Variants in PCDHGC5 observed in about 807,000 individuals in gnomAD.
PCDHGC5 encodes protocadherin gamma subfamily C, 5.
In PCDHGC5, 25 loss-of-function variants were observed where a neutral mutation model predicts 59.0. The ratio of observed to expected loss-of-function variants is 0.42; its 90% CI spans 0.31 to 0.59. The LOEUF is 0.59. Ranked by LOEUF, PCDHGC5 falls within the 20% of genes least tolerant of loss-of-function variation. The probability of loss-of-function intolerance (pLI) is 0.13; values close to 1 mark genes in which losing one functional copy is unlikely to be tolerated. For synonymous variants in PCDHGC5, 434 were observed against 505.5 expected (o/e 0.86, Z 1.90); for missense variants, 1,067 against 1,206.4 (o/e 0.88, Z 1.71).
chr5:141,502,098 G>T (rs1341016516), intron 2 of PCDHGC5, among the ~76,000 whole-genome samples: 2 of 152,108 alleles, frequency 1.3e-5, no homozygotes, highest in Non-Finnish European at 2.9e-5. Flanking sequence ...ACCTGGCCTT[G>T]ACCCTGCACC....
At chr5:141,510,754 C>G (rs1407911674) in intron 3 of PCDHGC5, among the ~76,000 whole-genome samples, 193 bp from the exon 4 acceptor site, 3 of 152,168 alleles carry the variant, frequency 2.0e-5, no homozygotes, top group African/African-American at 7.2e-5. Flanking sequence ...GACTTTCTCA[C>G]TCCAGAGCCT....
chr5:141,499,174 C>T (rs930279867), intron 2 of PCDHGC5, among the ~76,000 whole-genome samples: 20 of 152,198 alleles, frequency 1.3e-4, no homozygotes, highest in Middle Eastern at 3.4e-3. Flanking sequence ...AGCTCTGAGC[C>T]CAGCAAACCA....
In PCDHGC5 at chr5:141,489,844, C is replaced by A; in HGVS notation, c.604C>A (p.Arg202Ser). 2 of 1,614,148 alleles carry A rather than the reference C, an allele frequency of 1.2e-6. No individual in the cohort carries two copies. Among genetic ancestry groups the A allele is most frequent in the Non-Finnish European group, 1.7e-6 (2 of 1,179,982 alleles). Residue 202 changes from arginine to serine, a missense_variant, in exon 1 of 4, where the codon CGT becomes AGT. Physicochemically the swap from Arg to Ser is moderately radical, Grantham distance 110. Coordinates refer to ENST00000252087, the MANE Select transcript of PCDHGC5 (RefSeq NM_018929.3). The surrounding 1 kb of genome is among the most constrained non-coding windows in gnomAD (Gnocchi z 4.5). Reference sequence around the variant, plus strand: ...GCTGGTGCTAGAGCAGCAGCTGGATCGTGAAGCCCAGGCAAGACATCAGCT... The same window carrying A: ...GCTGGTGCTAGAGCAGCAGCTGGATAGTGAAGCCCAGGCAAGACATCAGCT... Reference protein sequence around the residue: ...PELVLEQQLDREAQARHQLVL... With the variant: ...PELVLEQQLDSEAQARHQLVL...
At position 141,490,776 on chromosome 5, in the gene PCDHGC5, G is replaced by A. The variant is rs1234115299; in HGVS notation, c.1536G>A (p.Glu512=). 4.3e-6 allele frequency: 7 copies of A among 1,614,162 alleles called. No individual in the cohort carries two copies. Among genetic ancestry groups the A allele is most frequent in the African/African-American group, 1.3e-5 (1 of 75,066 alleles). The change falls in exon 1 of 4, where the codon GAG becomes GAA. Residue 512 remains glutamate (E), a synonymous_variant. Transcript: ENST00000252087. This position sits in a 1 kb window ranked among gnomAD's most constrained non-coding sequence, Gnocchi z 5.4. ...PASSFVYVNP[E]DGRIFAQRTF... ...CCTCCTTTGTGTATGTCAACCCAGA[G>A]GATGGACGGATCTTTGCCCAGCGTA...
intron 2 of PCDHGC5, among the ~76,000 whole-genome samples, chr5:141,502,654 C>T (rs1424933188): frequency 6.6e-6 from 1 of 152,230 alleles, no homozygotes; most frequent in South Asian, 2.1e-4. Context: ...TAGGCAGCAA[C>T]CCTTCATGCA....
chr5:141,490,396 A>G lies in PCDHGC5; in HGVS notation c.1156A>G (p.Ser386Gly). ...DRDSGRNGEV[S>G]LDISPDLPFQ... ...GGACTCAGGTAGAAATGGTGAAGTGAGCCTTGATATCTCTCCGGACCTGCC... is the reference window on the plus strand; with the variant it reads ...GGACTCAGGTAGAAATGGTGAAGTGGGCCTTGATATCTCTCCGGACCTGCC... Residue 386 changes from serine to glycine, a missense_variant, in exon 1 of 4, where the codon AGC (serine) becomes GGC (glycine). Coordinates refer to ENST00000252087, the MANE Select transcript of PCDHGC5 (RefSeq NM_018929.3). The surrounding 1 kb of genome is among the most constrained non-coding windows in gnomAD (Gnocchi z 5.4). 1 of 1,614,146 alleles carries G rather than the reference A, an allele frequency of 6.2e-7. No homozygotes were observed. The highest frequency in any genetic ancestry group is 8.5e-7 in the Non-Finnish European group (1 of 1,180,030).
Position 141,491,445 on chromosome 5 carries a change from C to G in PCDHGC5, c.2205C>G (p.Asp735Glu). ...GAGGGCAGTGCTGCAGGCGCCAGGACTCACCCTCCCCGGACTTCTATAAGC... is the reference window on the plus strand; with the variant it reads ...GAGGGCAGTGCTGCAGGCGCCAGGAGTCACCCTCCCCGGACTTCTATAAGC... ...GGGGQCCRRQ[D>E]SPSPDFYKQS... The change falls in exon 1 of 4, where the codon GAC (aspartate) becomes GAG (glutamate). Residue 735 changes from aspartate to glutamate, a missense_variant. Asp to Glu is a conservative substitution (Grantham distance 45). Coordinates refer to ENST00000252087, the MANE Select transcript of PCDHGC5 (RefSeq NM_018929.3). This position sits in a 1 kb window ranked among gnomAD's most constrained non-coding sequence, Gnocchi z 6.9. 6.2e-7 allele frequency: 1 copy of G among 1,614,112 alleles called. No individual in the cohort carries two copies. Among genetic ancestry groups the G allele is most frequent in the Non-Finnish European group, 8.5e-7 (1 of 1,180,032 alleles).
chr5:141,509,719 C>G (rs2099877973), intron 3 of PCDHGC5, among the ~76,000 whole-genome samples: 1 of 152,152 alleles, frequency 6.6e-6, no homozygotes, highest in Non-Finnish European at 1.5e-5. Flanking sequence ...TGTCTGATGT[C>G]ACCTAGCTGT....
chr5:141,497,858 C>T (rs920483410), intron 2 of PCDHGC5, among the ~76,000 whole-genome samples: 3 of 152,218 alleles, frequency 2.0e-5, no homozygotes, highest in Non-Finnish European at 2.9e-5. Flanking sequence ...TTTGATTCAG[C>T]GGCTCCAAAG....
At position 141,493,906 on chromosome 5, in the gene PCDHGC5, G is replaced by A. The variant is rs2099750764; in HGVS notation, c.2461-901G>A. ...CTCTAGGAGTGCTCCATGAGAGTGT[G>A]TGATGGGATAACACACCCCCTGGAA... is the stretch of plus-strand genomic sequence containing the variant. On this transcript the variant is annotated intron_variant, in intron 1 of 3. Transcript: ENST00000252087. The surrounding 1 kb of genome is among the most constrained non-coding windows in gnomAD (Gnocchi z 4.3). Among the ~76,000 whole-genome samples the A allele has an allele frequency of 6.6e-6, 1 of 152,200 alleles. No individual in the cohort carries two copies. Among genetic ancestry groups the A allele is most frequent in the Non-Finnish European group, 1.5e-5 (1 of 68,032 alleles).
chr5:141,510,910 A>C (rs780792326), intron 3 of PCDHGC5, 37 bp from the exon 4 acceptor site: 4 of 1,613,740 alleles, frequency 2.5e-6, no homozygotes, highest in Admixed American at 3.3e-5. Flanking sequence ...GAGGACCCTA[A>C]GTTTAGCTCC....
chr5:141,489,477 G>C lies in PCDHGC5; in HGVS notation c.237G>C (p.Leu79Phe), dbSNP rs2154581232. 1.9e-6 allele frequency: 3 copies of C among 1,614,108 alleles called. No homozygotes were observed. Among genetic ancestry groups the C allele is most frequent in the Non-Finnish European group, 2.5e-6 (3 of 1,180,034 alleles). ...ATGGGCGCTATTTTTCCCTGAGCTT[G>C]ATGAGTGGTGCCCTGGCAGTGAATC... is the stretch of plus-strand genomic sequence containing the variant. ...EENGRYFSLS[L>F]MSGALAVNQK... The change falls in exon 1 of 4, where the codon TTG (leucine) becomes TTC (phenylalanine). Residue 79 changes from leucine to phenylalanine, a missense_variant. By Grantham distance (22) the Leu-to-Phe change is conservative. Coordinates refer to ENST00000252087, the MANE Select transcript of PCDHGC5 (RefSeq NM_018929.3). This position sits in a 1 kb window ranked among gnomAD's most constrained non-coding sequence, Gnocchi z 4.5.
In PCDHGC5 at chr5:141,511,217, C is replaced by A. The variant is rs766814445; in HGVS notation, c.*44C>A. On this transcript the variant is annotated 3_prime_UTR_variant, in exon 4 of 4. Transcript: ENST00000252087. ...AGCCACAGGGCGGCCTCTCCCCAAC[C>A]AGCCCAGCTTCTCCTTACCTGCACC... The A allele has an allele frequency of 2.5e-6, 4 of 1,607,588 alleles. No homozygotes were observed. Among genetic ancestry groups the A allele is most frequent in the Non-Finnish European group, 3.4e-6 (4 of 1,177,026 alleles).
Position 141,491,410 on chromosome 5 carries a change from GA to G in PCDHGC5, c.2171del (p.Asp724AlafsTer28). 1 of 1,614,142 alleles carries G rather than the reference GA, an allele frequency of 6.2e-7. No homozygotes were observed. The highest frequency in any genetic ancestry group is 8.5e-7 in the Non-Finnish European group (1 of 1,180,034). On this transcript the variant is annotated frameshift_variant, in exon 1 of 4. Coordinates refer to ENST00000252087, the MANE Select transcript of PCDHGC5 (RefSeq NM_018929.3). LOFTEE classifies it high-confidence loss of function. This position sits in a 1 kb window ranked among gnomAD's most constrained non-coding sequence, Gnocchi z 6.9. ...GTGCCTTCAGGGAAACGCAGACGGG[GA>G]CGGGGGTGGAGGGCAGTGCTGCAGG... ...AKCLQGNADG[D>X]GGGGQCCRRQ... is the part of the protein sequence containing the mutation.
intron 2 of PCDHGC5, among the ~76,000 whole-genome samples, chr5:141,503,202 C>G (rs1562210201): frequency 6.6e-6 from 1 of 152,090 alleles, no homozygotes; most frequent in East Asian, 1.9e-4. Context: ...ATCAGCCTCT[C>G]AGTGCCCACC....
At chr5:141,499,025 G>A (rs561539084) in intron 2 of PCDHGC5, among the ~76,000 whole-genome samples, 4 of 140,712 alleles carry the variant, frequency 2.8e-5, no homozygotes, top group Admixed American at 1.4e-4. Context: ...AGGAAGGAAG[G>A]AAGAAAAGAA....
intron 2 of PCDHGC5, among the ~76,000 whole-genome samples, chr5:141,503,963 C>T (rs900066192): frequency 7.2e-5 from 11 of 152,188 alleles, no homozygotes; most frequent in Admixed American, 6.5e-4. Flanking sequence ...ACAGCCTTTC[C>T]CATGGTGCCA....
At position 141,491,711 on chromosome 5, in the gene PCDHGC5, C is replaced by T. The variant is rs528931820; in HGVS notation, c.2460+11C>T. 1.5e-5 allele frequency: 24 copies of T among 1,609,240 alleles called. No homozygotes were observed. In the African/African-American group the frequency reaches 1.7e-4, roughly 12 times the overall value. On this transcript the variant is annotated intron_variant, in intron 1 of 3. Transcript: ENST00000252087. This position sits in a 1 kb window ranked among gnomAD's most constrained non-coding sequence, Gnocchi z 6.9. ...CGGGAGCGGAGCCAGGTGAGGGGCT[C>T]GGCGCCGCCCCGGGCGACCCCTGGG... is the stretch of plus-strand genomic sequence containing the variant.
chr5:141,500,114 G>A (rs72790070), intron 2 of PCDHGC5, among the ~76,000 whole-genome samples: 10,550 of 151,670 alleles, frequency 0.07, 640 homozygotes, highest in African/African-American at 0.16. Flanking sequence ...TTGAATCCCT[G>A]CCTTTTCATA....
Sources: gnomAD v4.1 joint callset for allele counts (sites outside exome capture counted in the v4.1 genomes callset) on GRCh38, gnomAD v4.1.1 for gene constraint, Gnocchi (gnomAD v3.1) non-coding constraint, MANE v1.5 for transcripts, NCBI Gene and HGNC (gene_info 2026-07-23, HGNC 2026-07-21) for gene names.